SGCZ: variants seen among roughly 807,000 people sequenced by gnomAD.
SGCZ encodes the protein sarcoglycan zeta.
SGCZ carries 40 observed loss-of-function variants against 41.3 expected under a neutral mutation model. That is an observed-to-expected ratio of 0.97 (90% CI 0.75 to 1.26). SGCZ has a LOEUF of 1.26. Among genes scored for constraint, SGCZ ranks in the 50% most tolerant of loss-of-function variants. The probability of loss-of-function intolerance (pLI) is 0.00; values close to 1 mark genes in which losing one functional copy is unlikely to be tolerated. For synonymous variants in SGCZ, 206 were observed against 137.5 expected, an observed-to-expected ratio of 1.50 and a Z score of -3.49; for missense variants, 552 against 369.8, an observed-to-expected ratio of 1.49 and a Z score of -4.04.
chr8:14,760,534 T>G (rs918968357), intron 1 of SGCZ, among the ~76,000 whole-genome samples: 1 of 152,230 alleles, frequency 6.6e-6, no homozygotes, highest in Non-Finnish European at 1.5e-5. Context: ...TGCATGTATT[T>G]TATAACCATG....
chr8:15,220,257 A>G (rs537852355), intron 1 of SGCZ, among the ~76,000 whole-genome samples: 2 of 152,328 alleles, frequency 1.3e-5, no homozygotes, highest in Admixed American at 6.5e-5. Flanking sequence ...CTCTCTTTGG[A>G]CAAACTGACG....
intron 1 of SGCZ, among the ~76,000 whole-genome samples, chr8:14,616,346 T>C (rs1265070924): frequency 6.6e-6 from 1 of 151,986 alleles, no homozygotes; most frequent in Non-Finnish European, 1.5e-5. Flanking sequence ...TGATCACCAT[T>C]ACAATACACT....
At chr8:14,723,087 A>G (rs1809941793) in intron 1 of SGCZ, among the ~76,000 whole-genome samples, 1 of 152,154 alleles carries the variant, frequency 6.6e-6, no homozygotes, top group Non-Finnish European at 1.5e-5. Context: ...AAATGCACAA[A>G]TATTAAGTCA....
intron 3 of SGCZ, among the ~76,000 whole-genome samples, chr8:14,245,924 A>G (rs551188468): frequency 7.9e-5 from 12 of 152,294 alleles, no homozygotes; most frequent in African/African-American, 2.4e-4. Context: ...TTAGAATGGC[A>G]ATCATTAAAA....
chr8:14,365,802 T>C (rs1288956584), intron 2 of SGCZ, among the ~76,000 whole-genome samples: 2 of 152,176 alleles, frequency 1.3e-5, no homozygotes, highest in African/African-American at 4.8e-5. Context: ...GTCAAATTTA[T>C]TGGGATAAGG....
At chr8:14,965,146 G>A (rs375812671) in intron 1 of SGCZ, among the ~76,000 whole-genome samples, 130 of 152,206 alleles carry the variant, frequency 8.5e-4, no homozygotes, top group African/African-American at 3.0e-3. Context: ...ATCCACTGAG[G>A]ACAAATCTCT....
chr8:15,137,766 G>C (rs1218658314), intron 1 of SGCZ, among the ~76,000 whole-genome samples: 2 of 152,230 alleles, frequency 1.3e-5, no homozygotes, highest in Non-Finnish European at 2.9e-5. Context: ...TGAATGTCCA[G>C]GCAGAAGTTT....
intron 2 of SGCZ, among the ~76,000 whole-genome samples, chr8:14,492,521 G>A (rs1311337370): frequency 6.6e-6 from 1 of 151,986 alleles, no homozygotes; most frequent in African/African-American, 2.4e-5. Flanking sequence ...TCTAAATAAG[G>A]CCCAATTATT....
At chr8:14,695,549 C>T (rs753768166) in intron 1 of SGCZ, among the ~76,000 whole-genome samples, 21 of 151,920 alleles carry the variant, frequency 1.4e-4, no homozygotes, top group Non-Finnish European at 2.5e-4. Flanking sequence ...GTGTTGCCTC[C>T]GGATGGCATT....
chr8:14,900,056 T>C (rs1234544845), intron 1 of SGCZ, among the ~76,000 whole-genome samples: 1 of 152,106 alleles, frequency 6.6e-6, no homozygotes, highest in Admixed American at 6.5e-5. Flanking sequence ...TCTGTGGAAG[T>C]TGGATATTTT....
chr8:14,272,408 C>T (rs893263327), intron 3 of SGCZ, among the ~76,000 whole-genome samples: 3 of 152,186 alleles, frequency 2.0e-5, no homozygotes, highest in Non-Finnish European at 2.9e-5. Flanking sequence ...TCCTGAATAA[C>T]CACCAGTGTT....
intron 1 of SGCZ, among the ~76,000 whole-genome samples, chr8:14,865,948 T>C (rs989768253): frequency 6.6e-5 from 10 of 152,116 alleles, no homozygotes; most frequent in African/African-American, 2.2e-4. Context: ...TTTGCCTCTA[T>C]AAGGACCTAA....
At chr8:15,225,456 G>C (rs1388187275) in intron 1 of SGCZ, among the ~76,000 whole-genome samples, 1 of 152,182 alleles carries the variant, frequency 6.6e-6, no homozygotes, top group Non-Finnish European at 1.5e-5. Context: ...GTAGAACTTA[G>C]TCGTTCATTG....
At chr8:14,139,886 A>C (rs11780908) in intron 5 of SGCZ, among the ~76,000 whole-genome samples, 39,418 of 152,080 alleles carry the variant, frequency 0.26, 5,388 homozygotes, top group African/African-American at 0.33. Context: ...CAACAAAAAA[A>C]CAGAATTTTA....
chr8:14,159,528 T>C (rs1242629068), intron 5 of SGCZ, among the ~76,000 whole-genome samples: 1 of 152,112 alleles, frequency 6.6e-6, no homozygotes, highest in Non-Finnish European at 1.5e-5. Flanking sequence ...GGTACTAATA[T>C]TTAGTGTCTT....
At chr8:15,102,752 A>G (rs925432346) in intron 1 of SGCZ, among the ~76,000 whole-genome samples, 1 of 152,188 alleles carries the variant, frequency 6.6e-6, no homozygotes, top group East Asian at 1.9e-4. Flanking sequence ...TTGTGTATGG[A>G]GATTATTAAA....
intron 2 of SGCZ, among the ~76,000 whole-genome samples, chr8:14,351,641 C>A (rs1803098474): frequency 6.6e-6 from 1 of 151,556 alleles, no homozygotes; most frequent in Non-Finnish European, 1.5e-5. Flanking sequence ...TTAGTACCCA[C>A]AAGGCAAATA....
rs565689565 is a variant in SGCZ at position 14,980,625 on chromosome 8, G to A, written c.39+256960C>T. Among the ~76,000 whole-genome samples, 3 of 152,316 alleles carry A rather than the reference G, an allele frequency of 2.0e-5. No individual in the cohort carries two copies. The South Asian group carries it at 6.2e-4, about 32-fold the overall frequency. ...TTACGTGAATGGCAGCAGGCAAAGA[G>A]AGAGAATGAGGAAGATGCAGAAGCG... On this transcript the variant is annotated intron_variant, in intron 1 of 7. Coordinates refer to ENST00000382080, the MANE Select transcript of SGCZ (RefSeq NM_139167.4).
chr8:14,231,674 T>C (rs1332131705), intron 4 of SGCZ, among the ~76,000 whole-genome samples: 1 of 152,128 alleles, frequency 6.6e-6, no homozygotes, highest in Non-Finnish European at 1.5e-5. Context: ...TTAAAGCATG[T>C]TGTCAGAGGA....
Sources: allele counts gnomAD v4.1 joint callset (sites outside exome capture counted in the v4.1 genomes callset), GRCh38; gene constraint gnomAD v4.1.1; transcripts MANE v1.5; gene names NCBI Gene and HGNC (gene_info 2026-07-23, HGNC 2026-07-21).